The following KIF21A variants were observed in gnomAD, a reference collection of about 807,000 sequenced individuals.
KIF21A encodes the protein kinesin-like protein KIF21A.
Under a neutral mutation model 202.9 loss-of-function variants are expected in KIF21A, and 114 were observed. The ratio of observed to expected loss-of-function variants is 0.56; its 90% CI spans 0.48 to 0.66. The LOEUF is 0.66. Ranked by LOEUF, KIF21A falls within the 30% of genes least tolerant of loss-of-function variation. The pLI is 0.00. For synonymous variants in KIF21A, 667 were observed against 670.8 expected, an observed-to-expected ratio of 0.99 and a Z score of 0.09; for missense variants, 1,677 against 1,994.9, an observed-to-expected ratio of 0.84 and a Z score of 3.04.
chr12:39,388,366 C>T (rs915075618), intron 1 of KIF21A, among the ~76,000 whole-genome samples: 1 of 152,206 alleles, frequency 6.6e-6, no homozygotes, highest in Non-Finnish European at 1.5e-5. Context: ...AGAAGCAATG[C>T]TTCTTACAGC....
chr12:39,363,707 A>G (rs1428451868), intron 6 of KIF21A, among the ~76,000 whole-genome samples: 2 of 152,226 alleles, frequency 1.3e-5, no homozygotes, highest in Non-Finnish European at 2.9e-5. Flanking sequence ...CTATGCAAGT[A>G]TATCTATCCT....
intron 7 of KIF21A, among the ~76,000 whole-genome samples, chr12:39,361,587 T>TCTCCGTTCACTGCAAG (rs1555175430): frequency 8.7e-6 from 1 of 114,968 alleles, no homozygotes; most frequent in Admixed American, 9.1e-5. Flanking sequence ...AGTGGCACGA[T>TCTCCGTTCACTGCAAG]CTCCGCCTCC....
chr12:39,432,617 CT>C (rs200987357), intron 1 of KIF21A, among the ~76,000 whole-genome samples: 361 of 144,426 alleles, frequency 2.5e-3, no homozygotes, highest in Admixed American at 2.3e-3. Flanking sequence ...TGGACAAATT[CT>C]TTTTTTTTTT....
At chr12:39,414,279 A>G (rs972562531) in intron 1 of KIF21A, among the ~76,000 whole-genome samples, 7 of 152,202 alleles carry the variant, frequency 4.6e-5, no homozygotes, top group Admixed American at 3.3e-4. Context: ...AATTTATTCA[A>G]TGACAAAAGG....
At chr12:39,341,194 A>T in intron 14 of KIF21A, 100 bp from the exon 15 acceptor site, 1 of 968,036 alleles carries the variant, frequency 1.0e-6, no homozygotes, top group Non-Finnish European at 1.6e-6. Flanking sequence ...AGGTATTTTT[A>T]TTCACTTAGT....
Position 39,340,186 on chromosome 12 carries a change from C to A in KIF21A, c.2289G>T (p.Val763=). Residue 763 remains valine, a synonymous_variant, in exon 16 of 38, where the codon GTG becomes GTT. Coordinates refer to ENST00000361418, the MANE Select transcript of KIF21A (RefSeq NM_001173464.2). ...EKQLKKLQQD[V]MEMKKTKVRL... ...ATACCTTTGTTTTTTTCATTTCCAT[C>A]ACATCCTGCTGCAATTTCTTCAATT... The A allele has an allele frequency of 1.2e-6, 2 of 1,612,418 alleles. No homozygotes were observed. Among genetic ancestry groups the A allele is most frequent in the Non-Finnish European group, 1.7e-6 (2 of 1,179,148 alleles).
At chr12:39,441,670 A>AAAAAAAAAAAAAAAAAAC (rs1161752823) in intron 1 of KIF21A, among the ~76,000 whole-genome samples, 1 of 147,030 alleles carries the variant, frequency 6.8e-6, no homozygotes, top group East Asian at 2.0e-4. Context: ...TAAAAAAAAA[A>AAAAAAAAAAAAAAAAAAC]AAAAAAAAAA....
intron 29 of KIF21A, among the ~76,000 whole-genome samples, chr12:39,316,832 T>C (rs1310639822): frequency 1.3e-5 from 2 of 152,140 alleles, no homozygotes; most frequent in African/African-American, 4.8e-5. Context: ...TTTATAGAGA[T>C]GACAACAGAG....
chr12:39,299,651 C>T (rs1279114714), intron 37 of KIF21A, among the ~76,000 whole-genome samples: 3 of 152,100 alleles, frequency 2.0e-5, no homozygotes, highest in Non-Finnish European at 4.4e-5. Context: ...CACACGCACA[C>T]AAATGTTCAT....
chr12:39,370,881 T>C (rs1377971878), intron 1 of KIF21A, among the ~76,000 whole-genome samples: 2 of 152,082 alleles, frequency 1.3e-5, no homozygotes, highest in Non-Finnish European at 2.9e-5. Context: ...AATACTGTCA[T>C]CTCTCAGTAT....
At chr12:39,314,311 A>T (rs1464552461) in intron 31 of KIF21A, among the ~76,000 whole-genome samples, 1 of 151,780 alleles carries the variant, frequency 6.6e-6, no homozygotes, top group Non-Finnish European at 1.5e-5. Context: ...AGTAATTTGT[A>T]ATCTAACAAT....
At chr12:39,408,695 AAAG>A (rs1952814427) in intron 1 of KIF21A, among the ~76,000 whole-genome samples, 2 of 152,352 alleles carry the variant, frequency 1.3e-5, no homozygotes, top group South Asian at 4.1e-4. Context: ...GCACAGAGAG[AAAG>A]AAGAAGAGAA....
At chr12:39,306,150 A>G (rs947313593) in intron 34 of KIF21A, among the ~76,000 whole-genome samples, 4 of 152,192 alleles carry the variant, frequency 2.6e-5, no homozygotes, top group African/African-American at 9.7e-5. Flanking sequence ...TCTAGCTTCT[A>G]AGATATTACA....
At chr12:39,436,448 A>ATATATATATATATATT (rs1387332677) in intron 1 of KIF21A, among the ~76,000 whole-genome samples, 45 of 95,750 alleles carry the variant, frequency 4.7e-4, no homozygotes, top group African/African-American at 4.0e-4. Flanking sequence ...ATATATATAT[A>ATATATATATATATATT]TTTTTTTTTT....
chr12:39,309,523 GT>G, intron 33 of KIF21A, 62 bp downstream of exon 33: 1 of 1,031,480 alleles, frequency 9.7e-7, no homozygotes, highest in South Asian at 1.5e-5. Flanking sequence ...TCTTATATTT[GT>G]AAAAAAAAAA....
At chr12:39,411,913 C>T (rs1022136999) in intron 1 of KIF21A, among the ~76,000 whole-genome samples, 5 of 152,154 alleles carry the variant, frequency 3.3e-5, no homozygotes, top group Admixed American at 1.3e-4. Context: ...CAGCTCACTG[C>T]AACCTCCACC....
intron 11 of KIF21A, among the ~76,000 whole-genome samples, chr12:39,347,800 C>G (rs1948028625): frequency 6.6e-6 from 1 of 152,004 alleles, no homozygotes; most frequent in South Asian, 2.1e-4. Flanking sequence ...CCACTAAATA[C>G]AAATCAGTGC....
chr12:39,318,980 CAAA>C (rs547322135), intron 28 of KIF21A, among the ~76,000 whole-genome samples: 4 of 86,324 alleles, frequency 4.6e-5, no homozygotes, highest in African/African-American at 8.6e-5. Flanking sequence ...GACTCCGTCT[CAAA>C]AAAAAAAAAA....
intron 37 of KIF21A, among the ~76,000 whole-genome samples, chr12:39,300,081 C>G (rs1256004991): frequency 2.0e-5 from 3 of 151,992 alleles, no homozygotes; most frequent in Admixed American, 2.0e-4. Context: ...AAAAAACCAG[C>G]ACATGTACCC....
Sources: gnomAD v4.1 joint callset for allele counts (sites outside exome capture counted in the v4.1 genomes callset) on GRCh38, gnomAD v4.1.1 for gene constraint, MANE v1.5 for transcripts, NCBI Gene and HGNC (gene_info 2026-07-23, HGNC 2026-07-21) for gene names.